The following CTNNA2 variants were observed in gnomAD, a reference collection of about 807,000 sequenced individuals.
CTNNA2 encodes the protein catenin alpha-2.
Under a neutral mutation model 101.0 loss-of-function variants are expected in CTNNA2, and 42 were observed. That is an observed-to-expected ratio of 0.42 (90% CI 0.32 to 0.54). The LOEUF (loss-of-function observed/expected upper bound fraction) is 0.54. Ranked by LOEUF, CTNNA2 falls within the 20% of genes least tolerant of loss-of-function variation. The pLI, the probability that CTNNA2 is intolerant of heterozygous loss-of-function variation, is 0.14. For missense variants in CTNNA2, 871 were observed against 1,223.1 expected, an observed-to-expected ratio of 0.71 and a Z score of 4.29; for synonymous variants, 450 against 456.4, an observed-to-expected ratio of 0.99 and a Z score of 0.18.
chr2:79,837,770 C>A (rs945911137), intron 3 of CTNNA2, among the ~76,000 whole-genome samples: 1 of 151,586 alleles, frequency 6.6e-6, no homozygotes, highest in Non-Finnish European at 1.5e-5. Context: ...AAAAAATCAA[C>A]AGTTGGAAAT....
Position 79,909,734 on chromosome 2 carries a change from C to T in CTNNA2, c.993C>T (p.Ile331=), listed in dbSNP as rs112183183. ...CGCGAGACGACCGGCGCGAGAGGATCGTGGCGGAGTGCAACGCCGTGCGGC... is the reference window on the plus strand; with the variant it reads ...CGCGAGACGACCGGCGCGAGAGGATTGTGGCGGAGTGCAACGCCGTGCGGC... ...SCTRDDRRER[I]VAECNAVRQA... is the part of the protein sequence containing the mutation. The change falls in exon 7 of 19, where the codon ATC becomes ATT. Residue 331 remains isoleucine, a synonymous_variant. Coordinates refer to ENST00000402739, the MANE Select transcript of CTNNA2 (RefSeq NM_001282597.3). 26 of 1,613,802 alleles carry T rather than the reference C, an allele frequency of 1.6e-5. No homozygotes were observed. The East Asian group carries it at 1.8e-4, about 11-fold the overall frequency.
At chr2:79,212,456 T>C (rs1333614962) in intron 2 of CTNNA2, among the ~76,000 whole-genome samples, 2 of 152,180 alleles carry the variant, frequency 1.3e-5, no homozygotes, top group African/African-American at 4.8e-5. Context: ...GTAAAAGTAT[T>C]GTCCAGTCCT....
chr2:80,546,002 C>A lies in CTNNA2; in HGVS notation c.1479C>A (p.Val493=), dbSNP rs267599473. 6.2e-7 allele frequency: 1 copy of A among 1,614,080 alleles called. No individual in the cohort carries two copies. The part of the protein sequence containing the change: ...DVFKDQWEKQ[V]RVLTEAVDDI... ...TCAAAGACCAGTGGGAGAAGCAGGT[C>A]CGAGTGTTGACAGAGGCCGTGGATG... The change falls in exon 11 of 19, where the codon GTC becomes GTA. Residue 493 remains valine, a synonymous_variant. Coordinates refer to ENST00000402739, the MANE Select transcript of CTNNA2 (RefSeq NM_001282597.3).
chr2:79,920,021 A>G (rs1425831738), intron 7 of CTNNA2, among the ~76,000 whole-genome samples: 2 of 151,118 alleles, frequency 1.3e-5, no homozygotes, highest in African/African-American at 4.8e-5. Flanking sequence ...GTTCGAGACC[A>G]GCCTGACTAA....
At chr2:79,484,963 C>G (rs1451921468) in intron 4 of CTNNA2, among the ~76,000 whole-genome samples, 1 of 152,088 alleles carries the variant, frequency 6.6e-6, no homozygotes, top group Admixed American at 6.5e-5. Context: ...CCTTTACCAG[C>G]CATACTTCAT....
At chr2:79,958,751 C>T (rs1038334329) in intron 7 of CTNNA2, among the ~76,000 whole-genome samples, 1 of 151,562 alleles carries the variant, frequency 6.6e-6, no homozygotes, top group African/African-American at 2.4e-5. Flanking sequence ...ATAAACAATA[C>T]ACTTTGTATG....
At chr2:79,319,205 T>C (rs1573072590) in intron 3 of CTNNA2, among the ~76,000 whole-genome samples, 1 of 152,216 alleles carries the variant, frequency 6.6e-6, no homozygotes, top group African/African-American at 2.4e-5. Context: ...TTCTGCTTCA[T>C]GCAGTCCAGA....
At chr2:80,129,347 G>A (rs1702295318) in intron 7 of CTNNA2, among the ~76,000 whole-genome samples, 1 of 152,150 alleles carries the variant, frequency 6.6e-6, no homozygotes, top group Admixed American at 6.5e-5. Context: ...TAAATACCAT[G>A]GCAGCTTCAA....
chr2:79,788,801 G>A (rs188318614), intron 3 of CTNNA2, among the ~76,000 whole-genome samples: 74 of 152,256 alleles, frequency 4.9e-4, no homozygotes, highest in African/African-American at 1.8e-3. Flanking sequence ...ATTTCAGTCT[G>A]TGCAGGCTCA....
chr2:79,439,943 C>T (rs1255801481), intron 4 of CTNNA2, among the ~76,000 whole-genome samples: 3 of 151,756 alleles, frequency 2.0e-5, no homozygotes, highest in South Asian at 2.1e-4. Context: ...GGGAAACATG[C>T]GAAGGTAAAC....
chr2:80,438,592 C>G (rs1021283323), intron 9 of CTNNA2, among the ~76,000 whole-genome samples: 2 of 152,120 alleles, frequency 1.3e-5, no homozygotes, highest in African/African-American at 4.8e-5. Flanking sequence ...GTTTCTGATA[C>G]AGATTCTTTC....
chr2:80,554,063 TTGAG>T (rs1692812939), intron 11 of CTNNA2, among the ~76,000 whole-genome samples: 2 of 152,210 alleles, frequency 1.3e-5, no homozygotes, highest in Admixed American at 1.3e-4. Flanking sequence ...TTATAATGGT[TTGAG>T]TGAAGAAATC....
chr2:79,681,410 C>T (rs1683553770), intron 2 of CTNNA2, among the ~76,000 whole-genome samples: 1 of 152,178 alleles, frequency 6.6e-6, no homozygotes, highest in Non-Finnish European at 1.5e-5. Flanking sequence ...TGTTTTCCAT[C>T]TACCTCCATG....
Position 80,600,211 on chromosome 2 carries a change from C to T in CTNNA2, c.2190-3863C>T, listed in dbSNP as rs1697363600. 2.0e-5 allele frequency among the ~76,000 whole-genome samples: 3 copies of T among 151,714 alleles called. No homozygotes were observed. The South Asian group carries it at 6.2e-4, about 32-fold the overall frequency. The stretch of plus-strand genomic sequence containing the variant: ...TCTCACCCTATACAAAAGGCATAAA[C>T]TGTAGGTGGATTTAATATCTAAATA... On this transcript the variant is annotated intron_variant, in intron 15 of 18. Transcript: ENST00000402739.
chr2:79,961,101 A>T (rs1689596060), intron 7 of CTNNA2, among the ~76,000 whole-genome samples: 1 of 152,154 alleles, frequency 6.6e-6, no homozygotes, highest in Non-Finnish European at 1.5e-5. Flanking sequence ...GTAGAATAGG[A>T]AAATAGGAAG....
At chr2:79,278,045 G>C (rs889094730) in intron 2 of CTNNA2, among the ~76,000 whole-genome samples, 2 of 152,070 alleles carry the variant, frequency 1.3e-5, no homozygotes, top group Non-Finnish European at 2.9e-5. Flanking sequence ...CATACTTAAG[G>C]GTGGTGGAGG....
chr2:79,381,448 A>G (rs943836642), intron 4 of CTNNA2, among the ~76,000 whole-genome samples: 2 of 152,228 alleles, frequency 1.3e-5, no homozygotes, highest in African/African-American at 2.4e-5. Flanking sequence ...TTGCATCTTC[A>G]TAGTTTTGAT....
At chr2:79,884,290 C>A (rs1683668896) in intron 6 of CTNNA2, among the ~76,000 whole-genome samples, 1 of 152,162 alleles carries the variant, frequency 6.6e-6, no homozygotes, top group South Asian at 2.1e-4. Context: ...TATTCCAATT[C>A]TAACAACCTA....
chr2:79,245,774 G>A (rs1226438209), intron 2 of CTNNA2, among the ~76,000 whole-genome samples: 1 of 152,158 alleles, frequency 6.6e-6, no homozygotes, highest in Non-Finnish European at 1.5e-5. Flanking sequence ...CTCCTGCATT[G>A]TCTGGTCCCA....
Sources: allele counts gnomAD v4.1 joint callset (sites outside exome capture counted in the v4.1 genomes callset), GRCh38; gene constraint gnomAD v4.1.1; transcripts MANE v1.5; gene names NCBI Gene and HGNC (gene_info 2026-07-23, HGNC 2026-07-21).